POU2F3: variants seen among roughly 807,000 people sequenced by gnomAD.
POU2F3 encodes the protein POU domain, class 2, transcription factor 3.
POU2F3 carries 23 observed loss-of-function variants against 59.2 expected under a neutral mutation model. The ratio of observed to expected loss-of-function variants is 0.39; its 90% CI spans 0.28 to 0.55. POU2F3 has a LOEUF of 0.55. Ranked by LOEUF, POU2F3 falls within the 20% of genes least tolerant of loss-of-function variation. The pLI is 0.66. For synonymous variants in POU2F3, 190 were observed against 214.6 expected, an observed-to-expected ratio of 0.89 and a Z score of 1.00; for missense variants, 473 against 544.5, an observed-to-expected ratio of 0.87 and a Z score of 1.31.
chr11:120,306,586 CA>C (rs1028590886), intron 8 of POU2F3, among the ~76,000 whole-genome samples: 3 of 151,850 alleles, frequency 2.0e-5, no homozygotes, highest in East Asian at 2.0e-4. Context: ...CCAAATGTCC[CA>C]GGGGGAGTGG....
At chr11:120,296,733 C>A (rs1227007819) in intron 3 of POU2F3, among the ~76,000 whole-genome samples, 1 of 152,174 alleles carries the variant, frequency 6.6e-6, no homozygotes, top group Non-Finnish European at 1.5e-5. Context: ...TATCTCATTC[C>A]TTTTTATGGC....
intron 5 of POU2F3, chr11:120,301,449 A>G (rs1458553542): frequency 5.3e-6 from 1 of 189,454 alleles, no homozygotes; most frequent in Non-Finnish European, 1.1e-5. Flanking sequence ...ACTGAAGAGC[A>G]TAAAGGTCAA....
At position 120,319,521 on chromosome 11, in the gene POU2F3, T is replaced by C. The variant is rs1024056604; in HGVS notation, c.*1129T>C. ...AGTGGCATGATCTTGGCTCACTGCA[T>C]GCTCTGCCACTTGGGTTCAAGCGAT... On this transcript the variant is annotated 3_prime_UTR_variant, in exon 13 of 13. Coordinates refer to ENST00000543440, the MANE Select transcript of POU2F3 (RefSeq NM_014352.4). 14 of 147,856 alleles carry C rather than the reference T, an allele frequency of 9.5e-5. No individual in the cohort carries two copies. Among genetic ancestry groups the C allele is most frequent in the African/African-American group, 3.2e-4 (13 of 40,104 alleles). The allele number at this position is 147,856 out of a possible 1,614,324, so 9.2% of individuals were successfully genotyped here. A position where few individuals can be genotyped will look rare whatever the true frequency, so the allele number is the denominator to read the frequency against.
chr11:120,296,923 A>AT (rs1013407991), intron 3 of POU2F3, among the ~76,000 whole-genome samples: 4 of 152,124 alleles, frequency 2.6e-5, no homozygotes, highest in South Asian at 2.1e-4. Flanking sequence ...CCAAAGCACC[A>AT]TTTTTTTCCG....
intron 4 of POU2F3, among the ~76,000 whole-genome samples, chr11:120,299,160 C>T (rs1941273972): frequency 6.6e-6 from 1 of 152,144 alleles, no homozygotes; most frequent in African/African-American, 2.4e-5. Flanking sequence ...CAACTCCCAC[C>T]CCAACACCCT....
intron 2 of POU2F3, among the ~76,000 whole-genome samples, chr11:120,263,154 G>A (rs1233846529): frequency 6.6e-6 from 1 of 152,018 alleles, no homozygotes; most frequent in Non-Finnish European, 1.5e-5. Flanking sequence ...ACCACACCCA[G>A]CTAATTTTTG....
chr11:120,316,995 C>A (rs1289100160), intron 11 of POU2F3, among the ~76,000 whole-genome samples: 3 of 152,158 alleles, frequency 2.0e-5, no homozygotes, highest in African/African-American at 7.2e-5. Context: ...GCAGAACCAG[C>A]CACACCACTC....
chr11:120,300,179 T>A (rs975108592), intron 5 of POU2F3, among the ~76,000 whole-genome samples: 1 of 152,164 alleles, frequency 6.6e-6, no homozygotes, highest in African/African-American at 2.4e-5. Flanking sequence ...GTAGAAAGGG[T>A]GTTCAGGTTT....
At chr11:120,305,343 C>CAGGGACATGA in intron 7 of POU2F3, 131 bp downstream of exon 7, 1 of 1,102,902 alleles carries the variant, frequency 9.1e-7, no homozygotes, top group Non-Finnish European at 1.3e-6. Context: ...CCTGAGTTCT[C>CAGGGACATGA]TGAGAATAGG....
intron 2 of POU2F3, chr11:120,250,289 C>T (rs1231979621): frequency 6.6e-6 from 1 of 152,224 alleles, no homozygotes; most frequent in Non-Finnish European, 1.5e-5. Context: ...TTTGACTTAG[C>T]TTGTAGTTGT....
intron 8 of POU2F3, 137 bp from the exon 9 acceptor site, chr11:120,307,342 C>T: frequency 9.9e-7 from 1 of 1,007,192 alleles, no homozygotes; most frequent in South Asian, 1.6e-5. Context: ...TTCTGGGCTC[C>T]CTGCTGGGGG....
intron 2 of POU2F3, among the ~76,000 whole-genome samples, chr11:120,251,490 T>A (rs1243638217): frequency 6.6e-6 from 1 of 152,240 alleles, no homozygotes; most frequent in African/African-American, 2.4e-5. Context: ...AGAAGGGTAG[T>A]GCAGGAATAA....
chr11:120,267,839 T>C (rs934294225), intron 2 of POU2F3, among the ~76,000 whole-genome samples: 1 of 75,660 alleles, frequency 1.3e-5, no homozygotes, highest in African/African-American at 7.6e-5. Flanking sequence ...ATGCATATGC[T>C]GCGTAGTGCT....
intron 11 of POU2F3, among the ~76,000 whole-genome samples, chr11:120,315,811 A>C (rs1255723807): frequency 1.3e-5 from 2 of 151,612 alleles, no homozygotes; most frequent in Non-Finnish European, 2.9e-5. Context: ...TGGCCAGGAC[A>C]GTCCCAGTGT....
chr11:120,291,086 T>A (rs1264855258), intron 3 of POU2F3, among the ~76,000 whole-genome samples: 1 of 152,206 alleles, frequency 6.6e-6, no homozygotes, highest in Non-Finnish European at 1.5e-5. Flanking sequence ...TGTTTCCATA[T>A]CAAACAGATG....
At chr11:120,283,172 G>C (rs1014051308) in intron 3 of POU2F3, among the ~76,000 whole-genome samples, 3 of 152,190 alleles carry the variant, frequency 2.0e-5, no homozygotes, top group South Asian at 2.1e-4. Flanking sequence ...TCCCTCCCTA[G>C]GTGTCTGACA....
intron 2 of POU2F3, among the ~76,000 whole-genome samples, chr11:120,249,085 G>T (rs1373714392): frequency 6.6e-6 from 1 of 152,194 alleles, no homozygotes; most frequent in Admixed American, 6.5e-5. Context: ...AATGCCCAGG[G>T]GAGCATTCTC....
intron 3 of POU2F3, among the ~76,000 whole-genome samples, chr11:120,275,865 C>G (rs1004795724): frequency 6.6e-6 from 1 of 152,186 alleles, no homozygotes; most frequent in African/African-American, 2.4e-5. Flanking sequence ...TAGTTTTAAA[C>G]CAACTGGGAT....
At chr11:120,246,618 A>G (rs1163792716) in intron 2 of POU2F3, 101 bp downstream of exon 2, 18 of 1,249,512 alleles carry the variant, frequency 1.4e-5, no homozygotes, top group Non-Finnish European at 2.1e-5. Context: ...CTTTCAGCCA[A>G]CCAGACCCCA....
Sources: allele counts gnomAD v4.1 joint callset (sites outside exome capture counted in the v4.1 genomes callset), GRCh38; gene constraint gnomAD v4.1.1; transcripts MANE v1.5; gene names NCBI Gene and HGNC (gene_info 2026-07-23, HGNC 2026-07-21).